ACTR3C: variants seen among roughly 807,000 people sequenced by gnomAD.
The protein encoded by ACTR3C is actin-related protein 3C.
Under a neutral mutation model 26.3 loss-of-function variants are expected in ACTR3C, and 18 were observed. The ratio of observed to expected loss-of-function variants is 0.68; its 90% confidence interval spans 0.47 to 1.01. ACTR3C has a LOEUF of 1.01. ACTR3C is among the 50% of genes least tolerant of loss of function. The probability of loss-of-function intolerance (pLI) is 0.00; values close to 1 mark genes in which losing one functional copy is unlikely to be tolerated. For missense variants in ACTR3C, 184 were observed against 250.7 expected, an observed-to-expected ratio of 0.73 and a Z score of 1.80; for synonymous variants, 55 against 94.5, an observed-to-expected ratio of 0.58 and a Z score of 2.42.
chr7:149,994,636 T>C, the ACTR3C span, among the ~76,000 whole-genome samples: 204 of 151,966 alleles, frequency 1.3e-3, 1 homozygote, highest in Non-Finnish European at 2.3e-3. Flanking sequence ...GGAGGGGCTT[T>C]ATGGAGACAG....
chr7:150,169,902 C>T, the ACTR3C span, among the ~76,000 whole-genome samples: 30 of 150,586 alleles, frequency 2.0e-4, no homozygotes, highest in Non-Finnish European at 1.2e-4. Flanking sequence ...TTTACTTTCC[C>T]CGTTTTCTTC....
chr7:150,247,130 T>C (rs1297373397), downstream of ACTR3C: 1 of 152,184 alleles, frequency 6.6e-6, no homozygotes, highest in East Asian at 1.9e-4. Context: ...AGGGTTGTCA[T>C]TAAGTTTTAA....
chr7:150,242,931 A>G (rs1832267508), downstream of ACTR3C, among the ~76,000 whole-genome samples: 1 of 152,252 alleles, frequency 6.6e-6, no homozygotes, highest in Non-Finnish European at 1.5e-5. Context: ...AAAATAATAA[A>G]AGAAAAGCTG....
the ACTR3C span, among the ~76,000 whole-genome samples, chr7:149,882,574 A>G: frequency 6.6e-6 from 1 of 152,162 alleles, no homozygotes; most frequent in Non-Finnish European, 1.5e-5. Flanking sequence ...CCCTGGCACG[A>G]TCTGGTCTCC....
chr7:150,035,294 C>A, the ACTR3C span, among the ~76,000 whole-genome samples: 1 of 49,920 alleles, frequency 2.0e-5, no homozygotes. Context: ...GAGAGTGCCT[C>A]CCCCCCCTTG....
At chr7:150,042,107 TC>T in the ACTR3C span, among the ~76,000 whole-genome samples, 21 of 73,874 alleles carry the variant, frequency 2.8e-4, no homozygotes, top group African/African-American at 9.1e-4. Flanking sequence ...GGGGGGTGCC[TC>T]CCCCCTCTGC....
At chr7:150,093,593 G>A in the ACTR3C span, among the ~76,000 whole-genome samples, 4 of 150,960 alleles carry the variant, frequency 2.6e-5, no homozygotes, top group African/African-American at 9.9e-5. Context: ...GTGCTGTCCA[G>A]GTGGGTGCAG....
At chr7:150,161,222 A>ATATATATATATT in the ACTR3C span, among the ~76,000 whole-genome samples, 29 of 120,410 alleles carry the variant, frequency 2.4e-4, 2 homozygotes, top group African/African-American at 4.6e-4. Context: ...ATATATATAT[A>ATATATATATATT]TATTTATTAT....
chr7:149,941,383 C>A, the ACTR3C span, among the ~76,000 whole-genome samples: 1 of 152,204 alleles, frequency 6.6e-6, no homozygotes, highest in Non-Finnish European at 1.5e-5. Context: ...TATCTCTGGA[C>A]ACACAGCTAC....
the ACTR3C span, among the ~76,000 whole-genome samples, chr7:150,132,663 G>A: frequency 1.3e-5 from 2 of 152,218 alleles, no homozygotes; most frequent in African/African-American, 4.8e-5. Context: ...GTCAGTGGGA[G>A]TGTATGATAA....
At chr7:149,927,268 T>A in the ACTR3C span, among the ~76,000 whole-genome samples, 1 of 152,072 alleles carries the variant, frequency 6.6e-6, no homozygotes, top group African/African-American at 2.4e-5. Flanking sequence ...GAAGATTTTT[T>A]AAAATGCTGC....
the ACTR3C span, among the ~76,000 whole-genome samples, chr7:150,037,200 G>A: frequency 4.0e-4 from 19 of 48,018 alleles, 7 homozygotes; most frequent in Admixed American, 7.7e-4. Context: ...CGGAAGAGGG[G>A]ATAGCTCTCA....
At chr7:150,299,369 C>T (rs982050399) in intron 1 of ACTR3C, among the ~76,000 whole-genome samples, 26 of 149,752 alleles carry the variant, frequency 1.7e-4, no homozygotes, top group African/African-American at 6.4e-4. Flanking sequence ...GAGGATCACT[C>T]CAGCCCAGGA....
At chr7:150,047,813 G>C in the ACTR3C span, 1 of 1,531,332 alleles carries the variant, frequency 6.5e-7, no homozygotes, top group Admixed American at 2.0e-5. Context: ...AGGACCTCGA[G>C]GTGTTGATCT....
At chr7:149,892,088 T>C in the ACTR3C span, among the ~76,000 whole-genome samples, 1 of 149,580 alleles carries the variant, frequency 6.7e-6, no homozygotes, top group Non-Finnish European at 1.5e-5. Flanking sequence ...ATTCCCTTAA[T>C]TCTCCAATCA....
chr7:150,172,517 A>C, the ACTR3C span, among the ~76,000 whole-genome samples: 126 of 150,642 alleles, frequency 8.4e-4, 17 homozygotes, highest in African/African-American at 2.7e-3. Context: ...TGAGAGATAC[A>C]ATTCAAGTTG....
downstream of ACTR3C, chr7:150,246,655 G>T (rs1832480857): frequency 6.6e-6 from 1 of 152,164 alleles, no homozygotes; most frequent in Admixed American, 6.6e-5. Flanking sequence ...AACGATTATT[G>T]TTAAATTATC....
chr7:150,023,138 T>A, the ACTR3C span, among the ~76,000 whole-genome samples: 4 of 67,102 alleles, frequency 6.0e-5, no homozygotes, highest in Non-Finnish European at 1.1e-4. Flanking sequence ...TATATACATA[T>A]ATATAGATAT....
At chr7:149,891,691 G>A in the ACTR3C span, among the ~76,000 whole-genome samples, 1 of 143,450 alleles carries the variant, frequency 7.0e-6, no homozygotes, top group African/African-American at 2.5e-5. Context: ...CAGGCATGGT[G>A]GTGCGTGCCT....
Sources: allele counts gnomAD v4.1 joint callset (sites outside exome capture counted in the v4.1 genomes callset), GRCh38; gene constraint gnomAD v4.1.1; transcripts MANE v1.5; gene names NCBI Gene and HGNC (gene_info 2026-07-23, HGNC 2026-07-21).